Variants in PLEKHA5 observed in about 807,000 individuals in gnomAD.
The protein encoded by PLEKHA5 is pleckstrin homology domain containing A5.
PLEKHA5 carries 55 observed loss-of-function variants against 181.9 expected under a neutral mutation model. The observed-to-expected ratio is 0.30, with a 90% CI of 0.24 to 0.38. The LOEUF is 0.38. Ranked by LOEUF, PLEKHA5 falls within the 10% of genes least tolerant of loss-of-function variation. The probability of loss-of-function intolerance (pLI) is 1.00; values close to 1 mark genes in which losing one functional copy is unlikely to be tolerated. For missense variants in PLEKHA5, 1,432 were observed against 1,549.5 expected (o/e 0.92, Z 1.27); for synonymous variants, 535 against 529.4 (o/e 1.01, Z -0.15).
chr12:19,347,330 A>G (rs1381687660), intron 24 of PLEKHA5, 148 bp downstream of exon 24: 5 of 392,542 alleles, frequency 1.3e-5, no homozygotes, highest in Non-Finnish European at 2.2e-5. Flanking sequence ...ATATGACTTT[A>G]TCATTTGTGT....
intron 12 of PLEKHA5, among the ~76,000 whole-genome samples, chr12:19,285,074 ATAGAT>A (rs1304977182): frequency 6.6e-6 from 1 of 152,338 alleles, no homozygotes; most frequent in East Asian, 1.9e-4. Context: ...GTTAAGATTA[ATAGAT>A]TAATCAGGAA....
chr12:19,288,988 A>G (rs1592336910), intron 13 of PLEKHA5, among the ~76,000 whole-genome samples: 2 of 152,336 alleles, frequency 1.3e-5, no homozygotes, highest in Non-Finnish European at 2.9e-5. Context: ...GAGTTTCAGT[A>G]TTCCTTGCGG....
At chr12:19,170,349 G>A (rs1257864554) in intron 3 of PLEKHA5, among the ~76,000 whole-genome samples, 3 of 152,028 alleles carry the variant, frequency 2.0e-5, no homozygotes, top group Non-Finnish European at 4.4e-5. Context: ...TAAATAATAA[G>A]AATTGAAAGT....
At chr12:19,294,226 C>G (rs1159961755) in intron 15 of PLEKHA5, among the ~76,000 whole-genome samples, 1 of 152,142 alleles carries the variant, frequency 6.6e-6, no homozygotes, top group African/African-American at 2.4e-5. Flanking sequence ...AAGAAAATCT[C>G]TCCTTAGATA....
At chr12:19,334,829 A>AAAAAAAAAAAAAAAAAATAT in intron 20 of PLEKHA5, among the ~76,000 whole-genome samples, 1 of 18,602 alleles carries the variant, frequency 5.4e-5, no homozygotes, top group Non-Finnish European at 1.4e-4. Context: ...AAAAAAAAAA[A>AAAAAAAAAAAAAAAAAATAT]ATATATATAT....
chr12:19,281,577 CAA>C (rs200506544), intron 11 of PLEKHA5, among the ~76,000 whole-genome samples: 11 of 137,880 alleles, frequency 8.0e-5, no homozygotes, highest in East Asian at 2.1e-4. Flanking sequence ...ACACTATCTC[CAA>C]AAAAAAAAAA....
At chr12:19,307,097 T>C (rs2084154248) in intron 15 of PLEKHA5, 1 of 1,062,716 alleles carries the variant, frequency 9.4e-7, no homozygotes, top group South Asian at 1.3e-5. Context: ...CTGAAGCTTA[T>C]GAGCACTGTT....
chr12:19,360,119 C>T (rs1198285144), intron 28 of PLEKHA5, among the ~76,000 whole-genome samples: 1 of 151,770 alleles, frequency 6.6e-6, no homozygotes, highest in African/African-American at 2.4e-5. Context: ...ATCACTTGAG[C>T]CCAGAAGTTT....
chr12:19,229,367 T>C (rs1244518310), intron 3 of PLEKHA5, among the ~76,000 whole-genome samples: 1 of 152,008 alleles, frequency 6.6e-6, no homozygotes, highest in Non-Finnish European at 1.5e-5. Context: ...GTGTCCAGAG[T>C]TTGTTCCTTC....
intron 16 of PLEKHA5, among the ~76,000 whole-genome samples, chr12:19,318,229 CTT>C (rs983755258): frequency 1.3e-5 from 2 of 151,626 alleles, no homozygotes; most frequent in Admixed American, 1.3e-4. Context: ...TAATGAATAT[CTT>C]TATTGAATAA....
chr12:19,329,280 A>T (rs1037316707), intron 20 of PLEKHA5, among the ~76,000 whole-genome samples: 1 of 151,958 alleles, frequency 6.6e-6, no homozygotes, highest in Non-Finnish European at 1.5e-5. Context: ...TTCATCAGGG[A>T]TATTGGCCTT....
chr12:19,350,281 G>A (rs2094529742), intron 25 of PLEKHA5, among the ~76,000 whole-genome samples: 1 of 152,206 alleles, frequency 6.6e-6, no homozygotes, highest in Admixed American at 6.6e-5. Flanking sequence ...TGTAGTATGT[G>A]AATTCTGAAA....
Position 19,274,718 on chromosome 12 carries a change from G to A in PLEKHA5, c.1048G>A (p.Val350Ile), listed in dbSNP as rs2074039904. 6.2e-7 allele frequency: 1 copy of A among 1,614,066 alleles called. No individual in the cohort carries two copies. Among genetic ancestry groups the A allele is most frequent in the Non-Finnish European group, 8.5e-7 (1 of 1,179,924 alleles). The change falls in exon 11 of 32, where the codon GTA becomes ATA. Residue 350 changes from valine to isoleucine, a missense_variant. This residue lies in a region of PLEKHA5 where 1,143 missense variants were observed against 1,168.4 expected (regional missense o/e 0.98). Transcript: ENST00000429027. Reference sequence around the variant, plus strand: ...TAGACCCTTAACAAAAATTAATAGTGTAAAGCTGAATTCTCTGCCATCTGA... The same window carrying A: ...TAGACCCTTAACAAAAATTAATAGTATAAAGCTGAATTCTCTGCCATCTGA... ...QDRPLTKINS[V>I]KLNSLPSEYE...
intron 29 of PLEKHA5, among the ~76,000 whole-genome samples, chr12:19,362,828 G>C (rs984267209): frequency 6.6e-6 from 1 of 151,952 alleles, no homozygotes; most frequent in African/African-American, 2.4e-5. Flanking sequence ...AGCTGTAGCA[G>C]AGTAAGCAAT....
chr12:19,319,369 T>C (rs1592472917), intron 16 of PLEKHA5, among the ~76,000 whole-genome samples: 7 of 152,184 alleles, frequency 4.6e-5, no homozygotes, highest in Admixed American at 3.3e-4. Context: ...GGAATGCTTA[T>C]ATTTTTAACC....
intron 22 of PLEKHA5, among the ~76,000 whole-genome samples, chr12:19,344,250 G>A (rs910302712): frequency 6.6e-6 from 1 of 152,056 alleles, no homozygotes; most frequent in East Asian, 1.9e-4. Context: ...CAGAGCACAG[G>A]TTTATAAAGT....
At chr12:19,215,529 A>C (rs2057801748) in intron 3 of PLEKHA5, among the ~76,000 whole-genome samples, 1 of 152,174 alleles carries the variant, frequency 6.6e-6, no homozygotes, top group African/African-American at 2.4e-5. Context: ...CTGTCACTTC[A>C]AGTTATACTT....
At chr12:19,347,225 C>T in intron 24 of PLEKHA5, 43 bp downstream of exon 24, 1 of 1,112,332 alleles carries the variant, frequency 9.0e-7, no homozygotes, top group Non-Finnish European at 1.3e-6. Context: ...TCCTACATGT[C>T]CTCTCATTTT....
chr12:19,281,574 C>T (rs1344107863), intron 11 of PLEKHA5, among the ~76,000 whole-genome samples: 1 of 143,540 alleles, frequency 7.0e-6, no homozygotes, highest in African/African-American at 2.7e-5. Flanking sequence ...AAAACACTAT[C>T]TCCAAAAAAA....
Sources: gnomAD v4.1 joint callset for allele counts (sites outside exome capture counted in the v4.1 genomes callset) on GRCh38, gnomAD v4.1.1 for gene constraint, gnomAD v4.1.1 regional missense constraint, MANE v1.5 for transcripts, NCBI Gene and HGNC (gene_info 2026-07-23, HGNC 2026-07-21) for gene names.